The following CYP7B1 variants were observed in gnomAD, a reference collection of about 807,000 sequenced individuals.
The protein encoded by CYP7B1 is cytochrome P450 7B1.
A neutral mutation model predicts 42.7 loss-of-function variants in CYP7B1; 29 were observed. The observed-to-expected ratio is 0.68, with a 90% CI of 0.51 to 0.93. The LOEUF (loss-of-function observed/expected upper bound fraction) is 0.93, where lower values mean the gene tolerates loss of function less well. CYP7B1 is among the 40% of genes least tolerant of loss of function. CYP7B1 has a pLI of 0.00. For missense variants in CYP7B1, 655 were observed against 600.5 expected, an observed-to-expected ratio of 1.09 and a Z score of -0.95; for synonymous variants, 235 against 218.2, an observed-to-expected ratio of 1.08 and a Z score of -0.68.
intron 1 of CYP7B1, among the ~76,000 whole-genome samples, chr8:64,667,119 A>C (rs4297065): frequency 0.74 from 112,386 of 151,980 alleles, 41,896 homozygotes; most frequent in African/African-American, 0.83. Flanking sequence ...ATTAAACAGA[A>C]CTATTTATTC....
At chr8:64,733,834 G>A (rs1356822467) in intron 1 of CYP7B1, among the ~76,000 whole-genome samples, 2 of 152,026 alleles carry the variant, frequency 1.3e-5, no homozygotes, top group African/African-American at 4.8e-5. Flanking sequence ...GCCAGGCATT[G>A]TGGTACATGC....
intron 1 of CYP7B1, among the ~76,000 whole-genome samples, chr8:64,632,817 A>G (rs1444037133): frequency 2.0e-5 from 3 of 152,170 alleles, no homozygotes; most frequent in Non-Finnish European, 2.9e-5. Context: ...CTGCTATCCA[A>G]TATCATTCTG....
intron 1 of CYP7B1, among the ~76,000 whole-genome samples, chr8:64,741,566 C>T (rs1807568650): frequency 6.6e-6 from 1 of 152,198 alleles, no homozygotes; most frequent in African/African-American, 2.4e-5. Context: ...TGATCCCCCA[C>T]CTTGGCCTCC....
intron 1 of CYP7B1, among the ~76,000 whole-genome samples, chr8:64,779,991 T>C (rs546152500): frequency 6.6e-6 from 1 of 152,148 alleles, no homozygotes; most frequent in Non-Finnish European, 1.5e-5. Context: ...AATTTTCAGA[T>C]GCAGGAATGT....
At chr8:64,652,709 TG>T (rs1806057656) in intron 1 of CYP7B1, among the ~76,000 whole-genome samples, 3 of 152,104 alleles carry the variant, frequency 2.0e-5, no homozygotes, top group Admixed American at 2.0e-4. Context: ...CCGGGCGTGG[TG>T]GCAGGCGCCT....
downstream of CYP7B1, among the ~76,000 whole-genome samples, chr8:64,589,086 T>C (rs1019638602): frequency 3.3e-5 from 5 of 152,352 alleles, no homozygotes; most frequent in Non-Finnish European, 5.9e-5. Context: ...GTTTACAAAA[T>C]TATGGTTTAT....
In CYP7B1 at chr8:64,785,521, TG is replaced by T. The variant is rs1585913795; in HGVS notation, c.122+12944del. On this transcript the variant is annotated intron_variant, in intron 1 of 5. Coordinates refer to ENST00000310193, the MANE Select transcript of CYP7B1 (RefSeq NM_004820.5). ...ATCTATGTAATTTAGAATAATTGAG[TG>T]ATTAAAAAGAAGAGCTATCAAGCCT... Among the ~76,000 whole-genome samples the T allele has an allele frequency of 3.9e-5, 6 of 152,058 alleles. No individual in the cohort carries two copies. In the East Asian group the frequency reaches 1.2e-3, roughly 29 times the overall value.
chr8:64,708,317 T>G (rs1270974918), intron 1 of CYP7B1, among the ~76,000 whole-genome samples: 1 of 152,202 alleles, frequency 6.6e-6, no homozygotes, highest in Non-Finnish European at 1.5e-5. Context: ...CTGTCCTCAC[T>G]GAGGCCACCA....
At chr8:64,688,824 G>C (rs1192283875) in intron 1 of CYP7B1, among the ~76,000 whole-genome samples, 3 of 152,198 alleles carry the variant, frequency 2.0e-5, no homozygotes, top group Non-Finnish European at 4.4e-5. Context: ...CTACTCAGGA[G>C]ACTGAGGTGG....
At chr8:64,739,417 G>A (rs1214692474) in intron 1 of CYP7B1, among the ~76,000 whole-genome samples, 2 of 152,158 alleles carry the variant, frequency 1.3e-5, no homozygotes, top group East Asian at 1.9e-4. Context: ...AGACAAAAAC[G>A]AGAACACTAG....
rs1256997395 is a variant in CYP7B1, at chr8:64,596,759, AG to A, written c.1403del (p.Thr468IlefsTer5). On this transcript the variant is annotated frameshift_variant, in exon 6 of 6. Transcript: ENST00000310193. LOFTEE classifies it low-confidence loss of function (END_TRUNC). The stretch of plus-strand genomic sequence containing the variant: ...CATCAATTATTTCTAAATCAAAATA[AG>A]TTAAAAGTATAACCAACAATTGTTT... ...EIKQLLVILL[T>X]YFDLEIIDDK... 6.2e-7 allele frequency: 1 copy of A among 1,614,034 alleles called. No individual in the cohort carries two copies. The highest frequency in any genetic ancestry group is 2.2e-5 in the East Asian group (1 of 44,860).
intron 1 of CYP7B1, among the ~76,000 whole-genome samples, chr8:64,644,000 C>T (rs958712032): frequency 5.3e-5 from 8 of 152,168 alleles, no homozygotes; most frequent in Non-Finnish European, 1.0e-4. Flanking sequence ...GGCGGCCAGG[C>T]GCGGTGGCTC....
intron 1 of CYP7B1, among the ~76,000 whole-genome samples, chr8:64,698,277 CGTT>C (rs1301264698): frequency 6.6e-6 from 1 of 152,002 alleles, no homozygotes; most frequent in African/African-American, 2.4e-5. Context: ...CTGCAGATCA[CGTT>C]GGCATGGTGT....
At chr8:64,692,504 T>C (rs1319069040) in intron 1 of CYP7B1, among the ~76,000 whole-genome samples, 2 of 152,168 alleles carry the variant, frequency 1.3e-5, no homozygotes, top group Non-Finnish European at 1.5e-5. Context: ...CATTTCTCAG[T>C]GTGTCTTAGA....
chr8:64,597,739 T>C (rs528620751), intron 5 of CYP7B1, among the ~76,000 whole-genome samples: 5 of 152,348 alleles, frequency 3.3e-5, no homozygotes, highest in African/African-American at 1.2e-4. Flanking sequence ...TCACTTGAAT[T>C]TCTTAGAGGG....
At chr8:64,678,264 A>G (rs537395082) in intron 1 of CYP7B1, among the ~76,000 whole-genome samples, 1 of 152,218 alleles carries the variant, frequency 6.6e-6, no homozygotes, top group South Asian at 2.1e-4. Flanking sequence ...TCATTTCATC[A>G]GGCCTGCTGT....
intron 1 of CYP7B1, among the ~76,000 whole-genome samples, chr8:64,795,669 C>G (rs1804693126): frequency 6.6e-6 from 1 of 152,216 alleles, no homozygotes; most frequent in Non-Finnish European, 1.5e-5. Flanking sequence ...ATTCCCATCT[C>G]TCTCACACAT....
intron 1 of CYP7B1, among the ~76,000 whole-genome samples, chr8:64,695,529 A>C (rs1003815126): frequency 6.6e-6 from 1 of 151,676 alleles, no homozygotes; most frequent in African/African-American, 2.4e-5. Flanking sequence ...TTAAGGAAGC[A>C]TTGTAAGTTT....
At chr8:64,659,160 T>G (rs774326074) in intron 1 of CYP7B1, among the ~76,000 whole-genome samples, 2 of 152,234 alleles carry the variant, frequency 1.3e-5, no homozygotes, top group Non-Finnish European at 2.9e-5. Context: ...ACTGTGTTTT[T>G]GGGGAACTGG....
Sources: gnomAD v4.1 joint callset for allele counts (sites outside exome capture counted in the v4.1 genomes callset) on GRCh38, gnomAD v4.1.1 for gene constraint, MANE v1.5 for transcripts, NCBI Gene and HGNC (gene_info 2026-07-23, HGNC 2026-07-21) for gene names.